ABI3BP: variants seen among roughly 807,000 people sequenced by gnomAD.
ABI3BP encodes the protein target of Nesh-SH3.
In ABI3BP, 216 loss-of-function variants were observed where a neutral mutation model predicts 268.6. The observed-to-expected ratio is 0.80, with a 90% CI of 0.72 to 0.90. ABI3BP has a LOEUF of 0.90. Among genes scored for constraint, ABI3BP ranks in the 40% least tolerant of loss-of-function variants. The pLI is 0.00. For synonymous variants in ABI3BP, 730 were observed against 730.0 expected, an observed-to-expected ratio of 1.00 and a Z score of 0.00; for missense variants, 2,090 against 2,182.4, an observed-to-expected ratio of 0.96 and a Z score of 0.84.
chr3:100,907,522 A>G (rs2053989674), intron 2 of ABI3BP, among the ~76,000 whole-genome samples: 1 of 152,114 alleles, frequency 6.6e-6, no homozygotes. Flanking sequence ...AACAATGTCA[A>G]CACAAGAAGT....
intron 44 of ABI3BP, among the ~76,000 whole-genome samples, chr3:100,814,111 A>G (rs1442325503): frequency 1.3e-5 from 2 of 152,114 alleles, no homozygotes; most frequent in African/African-American, 2.4e-5. Context: ...AGCAGAATTG[A>G]GTAGCTATAA....
At chr3:100,766,427 G>A (rs1017464593) in intron 62 of ABI3BP, among the ~76,000 whole-genome samples, 16 of 152,196 alleles carry the variant, frequency 1.1e-4, no homozygotes, top group African/African-American at 3.6e-4. Context: ...ACTTCTTTCA[G>A]TTGAGCATCA....
Position 100,778,300 on chromosome 3 carries a change from T to G in ABI3BP, c.4317A>C (p.Gly1439=), listed in dbSNP as rs1211157212. The change falls in exon 59 of 68, where the codon GGA becomes GGC. Residue 1439 remains glycine, a synonymous_variant. Transcript: ENST00000471714. ...CTAACGTACCTGCACTTCCTGGCTTTCCAGTGACATTATTTGGTGGTAAAG... is the reference window on the plus strand; with the variant it reads ...CTAACGTACCTGCACTTCCTGGCTTGCCAGTGACATTATTTGGTGGTAAAG... ...RKPLPPNNVT[G]KPGSAGIISS... The G allele has an allele frequency of 1.9e-6, 3 of 1,613,738 alleles. No individual in the cohort carries two copies. Among genetic ancestry groups the G allele is most frequent in the Admixed American group, 3.3e-5 (2 of 59,994 alleles).
intron 1 of ABI3BP, among the ~76,000 whole-genome samples, chr3:100,942,190 G>A (rs538839831): frequency 2.0e-5 from 3 of 150,866 alleles, no homozygotes; most frequent in South Asian, 4.1e-4. Context: ...GGACATTCTA[G>A]TACATTGGGT....
At chr3:100,964,948 A>C (rs951000648) in intron 1 of ABI3BP, among the ~76,000 whole-genome samples, 2 of 152,210 alleles carry the variant, frequency 1.3e-5, no homozygotes, top group African/African-American at 4.8e-5. Context: ...GTTCCTATTA[A>C]AGTGTAAAGA....
At position 100,937,348 on chromosome 3, in the gene ABI3BP, C is replaced by A. The variant is rs2066614804; in HGVS notation, c.80-10867G>T. Among the ~76,000 whole-genome samples, 5 of 151,970 alleles carry A rather than the reference C, an allele frequency of 3.3e-5. No individual in the cohort carries two copies. In the South Asian group the frequency reaches 1.0e-3, roughly 31 times the overall value. On this transcript the variant is annotated intron_variant, in intron 1 of 67. Transcript: ENST00000471714. ...TATTTACTCAGGAGAAATGAAGACA[C>A]AAGTCTGTGCAAAAACTTGTGTGCA...
At position 100,885,583 on chromosome 3, in the gene ABI3BP, T is replaced by G; in HGVS notation, c.649A>C (p.Lys217Gln). 6.5e-7 allele frequency: 1 copy of G among 1,548,374 alleles called. No homozygotes were observed. The highest frequency in any genetic ancestry group is 8.8e-7 in the Non-Finnish European group (1 of 1,138,706). Residue 217 changes from lysine (K) to glutamine (Q), a missense_variant, in exon 6 of 68, where the codon AAA (lysine) becomes CAA (glutamine). Physicochemically the swap from Lys to Gln is moderately conservative, Grantham distance 53. Transcript: ENST00000471714. Reference protein sequence around the residue: ...FNHKTVVGSKKVNGKIQSTYD... With the variant: ...FNHKTVVGSKQVNGKIQSTYD... ...GTACTTTGGATTTTCCCATTTACTT[T>G]TTTACCTGATGAAACAAGGGAAAAA...
intron 3 of ABI3BP, among the ~76,000 whole-genome samples, chr3:100,901,600 C>T (rs2050368304): frequency 6.6e-6 from 1 of 151,926 alleles, no homozygotes; most frequent in Admixed American, 6.6e-5. Flanking sequence ...CCCGTCTCTA[C>T]TAAAAAATAC....
In ABI3BP at chr3:100,780,093, G is replaced by C. The variant is rs768685940; in HGVS notation, c.4240+39C>G. ...TACTGCAGTTACCATCCAAGTTTCAGAGCTGAGCTGTCATAAAAGTCAGCA... is the reference window on the plus strand; with the variant it reads ...TACTGCAGTTACCATCCAAGTTTCACAGCTGAGCTGTCATAAAAGTCAGCA... On this transcript the variant is annotated intron_variant, in intron 58 of 67. Transcript: ENST00000471714. The C allele has an allele frequency of 1.9e-6, 3 of 1,598,296 alleles. No homozygotes were observed. In the South Asian group the frequency reaches 3.3e-5, roughly 18 times the overall value.
intron 2 of ABI3BP, among the ~76,000 whole-genome samples, chr3:100,922,558 GCGA>G (rs1251246787): frequency 6.6e-6 from 1 of 151,586 alleles, no homozygotes; most frequent in East Asian, 1.9e-4. Flanking sequence ...GATGGTGATG[GCGA>G]TGGCGATGGC....
At chr3:100,772,673 A>G (rs1236662911) in intron 61 of ABI3BP, among the ~76,000 whole-genome samples, 1 of 152,226 alleles carries the variant, frequency 6.6e-6, no homozygotes, top group Non-Finnish European at 1.5e-5. Flanking sequence ...ATTGACAAAG[A>G]GGAAAAAAGG....
At chr3:100,951,880 AT>A (rs1432724873) in intron 1 of ABI3BP, among the ~76,000 whole-genome samples, 3 of 151,888 alleles carry the variant, frequency 2.0e-5, no homozygotes, top group African/African-American at 7.3e-5. Flanking sequence ...TTTTATTATA[AT>A]AGAAGACATT....
At chr3:100,879,770 T>C (rs988278059) in intron 6 of ABI3BP, among the ~76,000 whole-genome samples, 2 of 152,188 alleles carry the variant, frequency 1.3e-5, no homozygotes, top group African/African-American at 4.8e-5. Context: ...CTAGAAATGC[T>C]CTCCTGCTTA....
intron 20 of ABI3BP, among the ~76,000 whole-genome samples, chr3:100,843,216 A>G (rs2098726983): frequency 6.6e-6 from 1 of 152,202 alleles, no homozygotes; most frequent in Non-Finnish European, 1.5e-5. Context: ...ATCTGTGATC[A>G]AAAAATTTTT....
At chr3:100,836,804 A>G (rs1026656795) in intron 27 of ABI3BP, among the ~76,000 whole-genome samples, 3 of 152,162 alleles carry the variant, frequency 2.0e-5, no homozygotes, top group Non-Finnish European at 4.4e-5. Flanking sequence ...ACATCCATAA[A>G]TTGTACCCAC....
intron 51 of ABI3BP, among the ~76,000 whole-genome samples, chr3:100,798,710 T>A (rs969573507): frequency 4.0e-5 from 6 of 149,942 alleles, no homozygotes; most frequent in African/African-American, 1.2e-4. Context: ...TAAATGAATG[T>A]GCATGAATGT....
At chr3:100,924,094 C>A (rs895850856) in intron 2 of ABI3BP, among the ~76,000 whole-genome samples, 2 of 152,010 alleles carry the variant, frequency 1.3e-5, no homozygotes, top group South Asian at 4.1e-4. Context: ...ATAGGAGGAG[C>A]CAGCTCAGAA....
intron 17 of ABI3BP, 147 bp from the exon 18 acceptor site, chr3:100,849,022 C>G (rs2098808511): frequency 1.5e-6 from 1 of 679,676 alleles, no homozygotes; most frequent in Admixed American, 2.9e-5. Flanking sequence ...GTTTTATACA[C>G]AGGAGGTGCT....
Position 100,754,664 on chromosome 3 carries a change from GT to G in ABI3BP, c.4877del (p.Asn1626ThrfsTer23), listed in dbSNP as rs1453441802. The G allele has an allele frequency of 3.1e-6, 5 of 1,589,596 alleles. No individual in the cohort carries two copies. The highest frequency in any genetic ancestry group is 1.8e-5 in the Admixed American group (1 of 56,830). The part of the protein sequence containing the change: ...TSYEFQVKPK[N>X]PLGEGPVSNT... The stretch of plus-strand genomic sequence containing the variant: ...TGCTGACCGGGCCTTCACCAAGCGG[GT>G]TTTTGGGTTTCACCTGGAATTCATA... On this transcript the variant is annotated frameshift_variant, in exon 64 of 68. Transcript: ENST00000471714. LOFTEE classifies it high-confidence loss of function.
Sources: allele counts gnomAD v4.1 joint callset (sites outside exome capture counted in the v4.1 genomes callset), GRCh38; gene constraint gnomAD v4.1.1; transcripts MANE v1.5; gene names NCBI Gene and HGNC (gene_info 2026-07-23, HGNC 2026-07-21).